The following NHS variants were observed in gnomAD, a reference collection of about 807,000 sequenced individuals.
NHS encodes the protein NHS actin remodeling regulator.
A neutral mutation model predicts 72.5 loss-of-function variants in NHS; 5 were observed. That is an observed-to-expected ratio of 0.07 (90% CI 0.04 to 0.14). NHS has a LOEUF of 0.14. Among genes scored for constraint, NHS ranks in the 10% least tolerant of loss-of-function variants. The pLI is 1.00. For missense variants in NHS, 1,072 were observed against 1,355.7 expected (o/e 0.79, Z 3.29); for synonymous variants, 464 against 547.7 (o/e 0.85, Z 2.13).
At chrX:17,431,025 C>T (rs1168092636) in intron 1 of NHS, among the ~76,000 whole-genome samples, 2 of 111,727 alleles carry the variant, frequency 1.8e-5, no homozygotes, top group African/African-American at 3.3e-5. Flanking sequence ...ATGATAACTC[C>T]ATGTTTAACC....
At chrX:17,723,745 G>GTGTGTGTGTGTGTGTA (rs1569318259) in intron 5 of NHS, among the ~76,000 whole-genome samples, 22 of 93,238 alleles carry the variant, frequency 2.4e-4, no homozygotes, top group African/African-American at 9.2e-4. Context: ...GTGTGTGTGT[G>GTGTGTGTGTGTGTGTA]TGTGTGTGTG....
chrX:17,698,137 T>G (rs1377649254), intron 3 of NHS, among the ~76,000 whole-genome samples: 2 of 111,194 alleles, frequency 1.8e-5, no homozygotes, highest in Non-Finnish European at 3.8e-5. Context: ...ACAAAGCAAA[T>G]CCAACTATAT....
intron 1 of NHS, among the ~76,000 whole-genome samples, chrX:17,566,618 C>A (rs981846553): frequency 4.5e-5 from 5 of 111,321 alleles, no homozygotes; most frequent in Non-Finnish European, 9.4e-5. Flanking sequence ...CCTTGGAATT[C>A]ATTGTCTTCC....
At chrX:17,534,548 C>T (rs1461736700) in intron 1 of NHS, among the ~76,000 whole-genome samples, 1 of 111,179 alleles carries the variant, frequency 9.0e-6, no homozygotes. Flanking sequence ...AGTTATGACT[C>T]TAATGACTCT....
At chrX:17,665,676 A>G (rs1338131066) in intron 1 of NHS, among the ~76,000 whole-genome samples, 1 of 111,617 alleles carries the variant, frequency 9.0e-6, no homozygotes, top group Non-Finnish European at 1.9e-5. Flanking sequence ...TAGACTTCAT[A>G]CAATGAGTTG....
At chrX:17,499,051 A>G (rs935365466) in intron 1 of NHS, among the ~76,000 whole-genome samples, 2 of 112,039 alleles carry the variant, frequency 1.8e-5, no homozygotes, top group Admixed American at 9.4e-5. Context: ...AGTTGATGAA[A>G]AATTGGGCAA....
intron 1 of NHS, among the ~76,000 whole-genome samples, chrX:17,651,079 GAA>G (rs1228907342): frequency 1.8e-5 from 2 of 112,276 alleles, no homozygotes; most frequent in African/African-American, 6.5e-5. Flanking sequence ...GGAAGTAAGT[GAA>G]AAGAGTTTCC....
Position 17,566,159 on chromosome X carries a change from T to A in NHS, c.566-121583T>A, listed in dbSNP as rs777918726. Among the ~76,000 whole-genome samples the A allele has an allele frequency of 4.5e-5, 5 of 109,965 alleles. No homozygotes were observed. In the East Asian group the frequency reaches 1.4e-3, roughly 32 times the overall value. ...CACACCCAGCTAATTTTTAATTTTT[T>A]TTTTGTAGAGACGGAATTTCACCAT... On this transcript the variant is annotated intron_variant, in intron 1 of 8. Transcript: ENST00000676302.
intron 1 of NHS, among the ~76,000 whole-genome samples, chrX:17,419,450 T>G (rs767091627): frequency 8.9e-6 from 1 of 112,272 alleles, no homozygotes; most frequent in African/African-American, 3.2e-5. Context: ...AACAAAAATG[T>G]AGACAAAATG....
chrX:17,601,823 C>T (rs1430172959), intron 1 of NHS, among the ~76,000 whole-genome samples: 1 of 111,680 alleles, frequency 9.0e-6, no homozygotes, highest in Non-Finnish European at 1.9e-5. Flanking sequence ...ATCCCACCCT[C>T]GATACTCTGG....
rs773652632 is a variant in NHS, at chrX:17,660,201, T to G, written c.566-27541T>G. On this transcript the variant is annotated intron_variant, in intron 1 of 8. Transcript: ENST00000676302. The stretch of plus-strand genomic sequence containing the variant: ...TCCAACAGCCCAATGAAGCTTTTTT[T>G]TTCTTTCAAGATTTTTGGGATAGAC... Among the ~76,000 whole-genome samples the G allele has an allele frequency of 1.7e-3, 196 of 112,112 alleles. 1 individual carries two copies. The highest frequency in any genetic ancestry group is 0.014 in the Middle Eastern group (3 of 218).
At chrX:17,549,217 C>T (rs202185500) in intron 1 of NHS, among the ~76,000 whole-genome samples, 1 of 199 alleles carries the variant, frequency 5.0e-3, no homozygotes, top group South Asian at 0.25. Context: ...GTCTGCCAGG[C>T]CAGGCCAGGG....
intron 3 of NHS, among the ~76,000 whole-genome samples, chrX:17,696,995 A>G (rs2066234853): frequency 9.0e-6 from 1 of 111,559 alleles, no homozygotes; most frequent in Non-Finnish European, 1.9e-5. Context: ...AGATTGATCT[A>G]AAACCACCAC....
intron 1 of NHS, among the ~76,000 whole-genome samples, chrX:17,468,825 G>T (rs978669880): frequency 6.3e-5 from 7 of 111,594 alleles, no homozygotes; most frequent in African/African-American, 2.3e-4. Flanking sequence ...AAAGTGCTGG[G>T]ATTACAGGTG....
intron 1 of NHS, among the ~76,000 whole-genome samples, chrX:17,622,753 C>T (rs187569309): frequency 1.1e-4 from 12 of 111,126 alleles, no homozygotes; most frequent in African/African-American, 3.3e-4. Flanking sequence ...AGATGCAGGA[C>T]GATGGGTGCT....
chrX:17,720,365 T>A (rs993358188), intron 4 of NHS, among the ~76,000 whole-genome samples: 1 of 111,860 alleles, frequency 8.9e-6, no homozygotes, highest in East Asian at 2.8e-4. Flanking sequence ...GATGGGAAAA[T>A]TTTTTTTGAT....
chrX:17,607,788 A>G (rs2065688515), intron 1 of NHS, among the ~76,000 whole-genome samples: 1 of 110,918 alleles, frequency 9.0e-6, no homozygotes, highest in South Asian at 3.9e-4. Context: ...AAATATAAAT[A>G]TAAATATATG....
At chrX:17,478,572 C>T (rs2064931596) in intron 1 of NHS, among the ~76,000 whole-genome samples, 1 of 111,411 alleles carries the variant, frequency 9.0e-6, no homozygotes, top group Admixed American at 9.6e-5. Flanking sequence ...TCTTTGATTC[C>T]CCTCCCAATA....
intron 1 of NHS, among the ~76,000 whole-genome samples, chrX:17,681,598 G>A (rs1254366827): frequency 2.7e-5 from 3 of 111,551 alleles, no homozygotes; most frequent in Non-Finnish European, 5.6e-5. Context: ...GTAAAGATGG[G>A]GAACTTGAAT....
Sources: allele counts gnomAD v4.1 joint callset (sites outside exome capture counted in the v4.1 genomes callset), GRCh38; gene constraint gnomAD v4.1.1; transcripts MANE v1.5; gene names NCBI Gene and HGNC (gene_info 2026-07-23, HGNC 2026-07-21).